The following NCOA2 variants were observed in gnomAD, a reference collection of about 807,000 sequenced individuals.
NCOA2 encodes the protein class E basic helix-loop-helix protein 75.
A neutral mutation model predicts 145.1 loss-of-function variants in NCOA2; 21 were observed. The ratio of observed to expected loss-of-function variants is 0.14; its 90% confidence interval spans 0.10 to 0.21. The LOEUF (loss-of-function observed/expected upper bound fraction) is 0.21, where lower values mean the gene tolerates loss of function less well. Ranked by LOEUF, NCOA2 falls within the 10% of genes least tolerant of loss-of-function variation. The pLI is 1.00. For missense variants in NCOA2, 1,472 were observed against 1,837.6 expected (o/e 0.80, Z 3.64); for synonymous variants, 619 against 637.5 (o/e 0.97, Z 0.44).
chr8:70,146,067 C>T (rs963636230), intron 12 of NCOA2, among the ~76,000 whole-genome samples: 7 of 152,178 alleles, frequency 4.6e-5, no homozygotes, highest in Non-Finnish European at 1.0e-4. Context: ...TATCACCAAA[C>T]CTATACATAC....
At chr8:70,347,484 T>C (rs576419843) in intron 1 of NCOA2, among the ~76,000 whole-genome samples, 2 of 137,320 alleles carry the variant, frequency 1.5e-5, no homozygotes, top group Non-Finnish European at 3.2e-5. Flanking sequence ...GACTCCATCT[T>C]AAAAAAAAAA....
rs918257984 is a variant in NCOA2, at chr8:70,290,184, A to ATT, written c.-20+6558_-20+6559dup. On this transcript the variant is annotated intron_variant, in intron 2 of 22. Transcript: ENST00000452400. ...TAGGCCAAAAAATACATTTCCATTG[A>ATT]TTTTTTTTTTTTTTTTTTTTGAGAT... 9.6e-4 allele frequency among the ~76,000 whole-genome samples: 118 copies of ATT among 122,306 alleles called. 1 individual carries two copies. Among genetic ancestry groups the ATT allele is most frequent in the South Asian group, 3.4e-3 (13 of 3,830 alleles). 80.2% of individuals were successfully genotyped at this position (122,306 alleles called of 152,430 possible). A position where few individuals can be genotyped will look rare whatever the true frequency, so the allele number is the denominator to read the frequency against.
At chr8:70,135,076 A>C (rs923185599) in intron 15 of NCOA2, among the ~76,000 whole-genome samples, 5 of 152,080 alleles carry the variant, frequency 3.3e-5, no homozygotes, top group Admixed American at 2.6e-4. Flanking sequence ...AACCTTCCCA[A>C]ACTTAATGTT....
chr8:70,306,060 A>T (rs1827864248), intron 1 of NCOA2, among the ~76,000 whole-genome samples: 1 of 152,224 alleles, frequency 6.6e-6, no homozygotes, highest in Admixed American at 6.5e-5. Flanking sequence ...CCTCCTAAAA[A>T]ACTAAAAATG....
chr8:70,263,572 G>A (rs544208990), intron 2 of NCOA2, among the ~76,000 whole-genome samples: 5 of 152,180 alleles, frequency 3.3e-5, no homozygotes, highest in African/African-American at 1.2e-4. Flanking sequence ...TCCACCTGAA[G>A]TATTTGGAAT....
Position 70,391,496 on chromosome 8 carries a change from T to C in NCOA2, c.-77+12204A>G, listed in dbSNP as rs76772565. Among the ~76,000 whole-genome samples the C allele has an allele frequency of 5.5e-3, 840 of 152,300 alleles. 2 individuals are homozygous for C. Among genetic ancestry groups the C allele is most frequent in the Non-Finnish European group, 9.5e-3 (647 of 68,022 alleles). On this transcript the variant is annotated intron_variant, in intron 1 of 22. Coordinates refer to ENST00000452400, the MANE Select transcript of NCOA2 (RefSeq NM_006540.4). ...AGACCTAGAGACTTCAGAAGGAACATGCCATGAAAAGGTCCAAGGATGCCA... is the reference window on the plus strand; with the variant it reads ...AGACCTAGAGACTTCAGAAGGAACACGCCATGAAAAGGTCCAAGGATGCCA...
chr8:70,313,295 T>C (rs1256000987), intron 1 of NCOA2, among the ~76,000 whole-genome samples: 1 of 152,216 alleles, frequency 6.6e-6, no homozygotes, highest in Non-Finnish European at 1.5e-5. Context: ...TTTCTAACCC[T>C]TCCTCTAGGC....
intron 4 of NCOA2, among the ~76,000 whole-genome samples, chr8:70,205,995 C>G (rs566941959): frequency 6.6e-6 from 1 of 152,210 alleles, no homozygotes; most frequent in Non-Finnish European, 1.5e-5. Context: ...ATTCACCTCC[C>G]CCACCCTCTG....
intron 2 of NCOA2, among the ~76,000 whole-genome samples, chr8:70,236,152 C>T (rs1319380045): frequency 2.0e-5 from 3 of 152,116 alleles, no homozygotes; most frequent in Non-Finnish European, 4.4e-5. Flanking sequence ...GATATCTGTG[C>T]CTCTCCAATA....
chr8:70,369,778 T>C, intron 1 of NCOA2, among the ~76,000 whole-genome samples: 1 of 152,126 alleles, frequency 6.6e-6, no homozygotes, highest in East Asian at 1.9e-4. Flanking sequence ...GGGCACATAG[T>C]AGATTTTTCT....
chr8:70,166,345 C>T (rs955234681), intron 7 of NCOA2, among the ~76,000 whole-genome samples: 5 of 152,242 alleles, frequency 3.3e-5, no homozygotes, highest in Non-Finnish European at 7.3e-5. Flanking sequence ...GTGGCTGCCA[C>T]ACCAGACAGT....
In NCOA2 at chr8:70,156,851, C is replaced by T; in HGVS notation, c.1514G>A (p.Ser505Asn). The change falls in exon 11 of 23, where the codon AGT becomes AAT. Residue 505 changes from serine to asparagine, a missense_variant. Ser to Asn is a conservative substitution (Grantham distance 46, BLOSUM62 1). This residue lies in a region of NCOA2 where 953 missense variants were observed against 1,062.1 expected (regional missense o/e 0.90). Coordinates refer to ENST00000452400, the MANE Select transcript of NCOA2 (RefSeq NM_006540.4). ...GVAGSPRIPP[S>N]QFSPAGSLHS... is the part of the protein sequence containing the mutation. The stretch of plus-strand genomic sequence containing the variant: ...CAAGCTTCCTGCAGGGGAAAACTGA[C>T]TGGGTGGGATTCGAGGGCTGCCAGC... 2 of 1,613,982 alleles carry T rather than the reference C, an allele frequency of 1.2e-6. No individual in the cohort carries two copies. Among genetic ancestry groups the T allele is most frequent in the Non-Finnish European group, 1.7e-6 (2 of 1,179,872 alleles).
At chr8:70,450,563 T>C in the NCOA2 span, among the ~76,000 whole-genome samples, 1 of 138,536 alleles carries the variant, frequency 7.2e-6, no homozygotes, top group African/African-American at 2.8e-5. Flanking sequence ...CTAACTCACT[T>C]CTTTTTATTC....
chr8:70,371,171 C>G (rs1811183363), intron 1 of NCOA2, among the ~76,000 whole-genome samples: 1 of 151,992 alleles, frequency 6.6e-6, no homozygotes, highest in African/African-American at 2.4e-5. Context: ...CGCCTATAGT[C>G]CCAGCTACTC....
intron 22 of NCOA2, among the ~76,000 whole-genome samples, chr8:70,119,982 A>G (rs1807615027): frequency 6.6e-6 from 1 of 151,488 alleles, no homozygotes; most frequent in African/African-American, 2.4e-5. Flanking sequence ...TGATTCTCCC[A>G]CCTCAGCCTC....
chr8:70,185,129 C>T (rs1312358584), intron 4 of NCOA2, among the ~76,000 whole-genome samples: 1 of 152,166 alleles, frequency 6.6e-6, no homozygotes, highest in Non-Finnish European at 1.5e-5. Flanking sequence ...CATATGTAGA[C>T]TCTTCTCCTT....
chr8:70,324,810 A>AT (rs1352201942), intron 1 of NCOA2, among the ~76,000 whole-genome samples: 1 of 152,122 alleles, frequency 6.6e-6, no homozygotes, highest in Non-Finnish European at 1.5e-5. Flanking sequence ...ACTATTTCAA[A>AT]TGCAGTCAGT....
chr8:70,286,727 A>G (rs1306674045), intron 2 of NCOA2, among the ~76,000 whole-genome samples: 2 of 152,208 alleles, frequency 1.3e-5, no homozygotes, highest in African/African-American at 4.8e-5. Context: ...ACTGTTAATT[A>G]TATCACAGAT....
intron 1 of NCOA2, among the ~76,000 whole-genome samples, chr8:70,312,764 C>T (rs1166565358): frequency 2.0e-5 from 3 of 152,078 alleles, no homozygotes; most frequent in East Asian, 1.9e-4. Context: ...AGCTGTTGAC[C>T]CAATATCGTA....
Sources: allele counts gnomAD v4.1 joint callset (sites outside exome capture counted in the v4.1 genomes callset), GRCh38; gene constraint gnomAD v4.1.1; regional missense constraint gnomAD v4.1.1; transcripts MANE v1.5; gene names NCBI Gene and HGNC (gene_info 2026-07-23, HGNC 2026-07-21).